Variants in GUCY2F observed in about 807,000 individuals in gnomAD.
The protein encoded by GUCY2F is guanylate cyclase 2F, retinal.
Under a neutral mutation model 73.1 loss-of-function variants are expected in GUCY2F, and 61 were observed. The observed-to-expected ratio is 0.83, with a 90% CI of 0.68 to 1.03. The LOEUF (loss-of-function observed/expected upper bound fraction) is 1.03. GUCY2F is among the 50% of genes least tolerant of loss of function. GUCY2F has a pLI of 0.00. For missense variants in GUCY2F, 912 were observed against 854.3 expected (o/e 1.07, Z -0.84); for synonymous variants, 331 against 307.8 (o/e 1.08, Z -0.79).
chrX:109,436,876 GTA>G (rs933986422), intron 7 of GUCY2F, among the ~76,000 whole-genome samples: 1 of 106,981 alleles, frequency 9.3e-6, no homozygotes, highest in Non-Finnish European at 1.9e-5. Flanking sequence ...CATGGCACAT[GTA>G]TACATATGTA....
chrX:109,475,320 G>T lies in GUCY2F; in HGVS notation c.617C>A (p.Ala206Glu). The T allele has an allele frequency of 8.3e-7, 1 of 1,211,264 alleles. No homozygotes were observed. Residue 206 changes from alanine (A) to glutamate (E), a missense_variant, in exon 2 of 20, where the codon GCA becomes GAA. Transcript: ENST00000218006. ...DIWVHTANRVASALRSHGLPV... is the reference protein window; with the variant it reads ...DIWVHTANRVESALRSHGLPV... ...TAAGCCGTGGCTCCGAAGAGCACTT[G>T]CGACTCGATTGGCTGTATGCACCCA...
chrX:109,471,376 C>T (rs1932570466), intron 2 of GUCY2F, among the ~76,000 whole-genome samples: 1 of 112,420 alleles, frequency 8.9e-6, no homozygotes, highest in Non-Finnish European at 1.9e-5. Context: ...GCAGGTAGGG[C>T]CTCCTGCTAA....
At chrX:109,400,497 G>GA (rs1255166648) in intron 10 of GUCY2F, among the ~76,000 whole-genome samples, 1 of 111,973 alleles carries the variant, frequency 8.9e-6, no homozygotes, top group Non-Finnish European at 1.9e-5. Context: ...GAAGAAGGGT[G>GA]AAAGGTGAGA....
intron 6 of GUCY2F, among the ~76,000 whole-genome samples, chrX:109,446,363 G>C (rs181347031): frequency 9.9e-4 from 111 of 111,780 alleles, no homozygotes; most frequent in African/African-American, 3.6e-3. Flanking sequence ...CACACTACCT[G>C]ATTTCAAACT....
intron 13 of GUCY2F, 73 bp from the exon 14 acceptor site, chrX:109,392,176 C>T (rs1026035079): frequency 1.4e-6 from 1 of 728,988 alleles, no homozygotes; most frequent in South Asian, 3.1e-5. Flanking sequence ...GCTAAAAATA[C>T]ACCAAATAAA....
intron 6 of GUCY2F, among the ~76,000 whole-genome samples, chrX:109,444,951 T>A (rs1408041420): frequency 9.0e-6 from 1 of 111,721 alleles, no homozygotes; most frequent in East Asian, 2.8e-4. Context: ...ATAAACCCTA[T>A]CATTCCTTCA....
intron 10 of GUCY2F, among the ~76,000 whole-genome samples, chrX:109,403,981 A>G (rs983084492): frequency 8.9e-6 from 1 of 112,258 alleles, no homozygotes; most frequent in Admixed American, 9.4e-5. Flanking sequence ...GTGGGGGTCC[A>G]GCTTCCAAAT....
chrX:109,432,484 T>C (rs1236142028), intron 7 of GUCY2F, among the ~76,000 whole-genome samples: 1 of 112,161 alleles, frequency 8.9e-6, no homozygotes, highest in African/African-American at 3.2e-5. Flanking sequence ...GAAAGACTGG[T>C]GAACAAAAAA....
intron 5 of GUCY2F, among the ~76,000 whole-genome samples, chrX:109,451,389 A>G (rs886860217): frequency 3.6e-4 from 40 of 111,872 alleles, no homozygotes; most frequent in Middle Eastern, 4.6e-3. Flanking sequence ...CTAGAATGTG[A>G]TACCCTGGAC....
At chrX:109,412,295 G>A (rs1011499672) in intron 8 of GUCY2F, among the ~76,000 whole-genome samples, 3 of 111,529 alleles carry the variant, frequency 2.7e-5, no homozygotes, top group Non-Finnish European at 3.8e-5. Flanking sequence ...TTTTGAACAC[G>A]GAACGGATGG....
chrX:109,389,228 G>A (rs1227110167), intron 14 of GUCY2F, among the ~76,000 whole-genome samples: 1 of 111,733 alleles, frequency 8.9e-6, no homozygotes, highest in Non-Finnish European at 1.9e-5. Context: ...CTACCTCCCT[G>A]AGGAGCAGCA....
chrX:109,458,889 G>T (rs1797986881), intron 3 of GUCY2F, among the ~76,000 whole-genome samples: 1 of 111,268 alleles, frequency 9.0e-6, no homozygotes, highest in African/African-American at 3.3e-5. Flanking sequence ...GACATGGAGA[G>T]CTTAAGTAAA....
Position 109,465,209 on chromosome X carries a change from G to A in GUCY2F, c.965C>T (p.Thr322Ile), listed in dbSNP as rs146591928. Residue 322 changes from threonine (T) to isoleucine (I), a missense_variant, in exon 3 of 20, where the codon ACC becomes ATC. Physicochemically the swap from Thr to Ile is moderately conservative, Grantham distance 89. Coordinates refer to ENST00000218006, the MANE Select transcript of GUCY2F (RefSeq NM_001522.3). ...TGCCTCTGTGAAGGCTTGATAGAAG[G>A]TCTTTTCTTGGGACTCCACTGTAAT... ...LTITVESQEK[T>I]FYQAFTEAAA... 3 of 1,207,565 alleles carry A rather than the reference G, an allele frequency of 2.5e-6. No homozygotes were observed. In the African/African-American group the frequency reaches 5.2e-5, roughly 21 times the overall value.
chrX:109,429,518 T>C (rs1931565795), intron 8 of GUCY2F, among the ~76,000 whole-genome samples: 1 of 112,320 alleles, frequency 8.9e-6, no homozygotes, highest in Admixed American at 9.4e-5. Context: ...ATGTCTTCCA[T>C]TTCCTTTGTT....
In GUCY2F at chrX:109,395,370, G is replaced by A. The variant is rs376993031; in HGVS notation, c.2395C>T (p.Arg799Ter). ...KQCWAEAAEQ[R>*]PTFDEIFNQF... Reference sequence around the variant, plus strand: ...TTAAATATTTCATCAAAAGTTGGTCGTTGTTCTGCAGCCTCAGCCCAGCAC... The same window carrying A: ...TTAAATATTTCATCAAAAGTTGGTCATTGTTCTGCAGCCTCAGCCCAGCAC... The change falls in exon 12 of 20, where the codon CGA becomes TGA. Residue 799 changes from arginine (R) to a stop codon, truncating the protein, a stop_gained. Coordinates refer to ENST00000218006, the MANE Select transcript of GUCY2F (RefSeq NM_001522.3). LOFTEE classifies it high-confidence loss of function. 14 of 1,206,486 alleles carry A rather than the reference G, an allele frequency of 1.2e-5. No individual in the cohort carries two copies. In the African/African-American group the frequency reaches 1.7e-4, roughly 15 times the overall value.
rs367902822 is a variant in GUCY2F, at chrX:109,448,096, C to A, written c.1542G>T (p.Thr514=). The change falls in exon 6 of 20, where the codon ACG becomes ACT. Residue 514 remains threonine (T), a synonymous_variant. Coordinates refer to ENST00000218006, the MANE Select transcript of GUCY2F (RefSeq NM_001522.3). ...TACTGCCAAAGTGGGGATTGATAAA[C>A]GTTACATCCTCCAAAGTCAGTAGAA... ...NRILLTLEDV[T]FINPHFGSKR... The A allele has an allele frequency of 1.8e-6, 2 of 1,102,079 alleles. No homozygotes were observed. Among genetic ancestry groups the A allele is most frequent in the African/African-American group, 3.6e-5 (2 of 54,834 alleles). The allele number at this position is 1,102,079 out of a possible 1,213,427, so 90.8% of individuals were successfully genotyped here. A position where few individuals can be genotyped will look rare whatever the true frequency, so the allele number is the denominator to read the frequency against.
At chrX:109,438,160 G>C (rs914824674) in intron 7 of GUCY2F, among the ~76,000 whole-genome samples, 1 of 112,255 alleles carries the variant, frequency 8.9e-6, no homozygotes, top group Non-Finnish European at 1.9e-5. Context: ...CTGGAGGCTG[G>C]GATGTCCAAG....
chrX:109,385,127 T>A lies in GUCY2F; in HGVS notation c.3055+57A>T. ...TCTCTTTCACCTCTCTGAAGAAGAA[T>A]CACCTTCTCAATAGCAGAGTGGTGC... On this transcript the variant is annotated intron_variant, in intron 16 of 19. Transcript: ENST00000218006. 3 of 549,184 alleles carry A rather than the reference T, an allele frequency of 5.5e-6. No individual in the cohort carries two copies. The Admixed American group carries it at 8.9e-5, about 16-fold the overall frequency. 45.3% of individuals were successfully genotyped at this position (549,184 alleles called of 1,213,427 possible).
Position 109,405,745 on chromosome X carries a change from A to G in GUCY2F, c.1969-1261T>C, listed in dbSNP as rs181232562. The stretch of plus-strand genomic sequence containing the variant: ...ATCATGGCCTTGAGGGGATTGTCAT[A>G]TAGAGGCTCCTCCCTTAACTCACTG... On this transcript the variant is annotated intron_variant, in intron 9 of 19. Coordinates refer to ENST00000218006, the MANE Select transcript of GUCY2F (RefSeq NM_001522.3). Among the ~76,000 whole-genome samples, 405 of 111,553 alleles carry G rather than the reference A, an allele frequency of 3.6e-3. 3 individuals carry two copies. Among genetic ancestry groups the G allele is most frequent in the Non-Finnish European group, 6.2e-3 (329 of 53,110 alleles).
Sources: gnomAD v4.1 joint callset for allele counts (sites outside exome capture counted in the v4.1 genomes callset) on GRCh38, gnomAD v4.1.1 for gene constraint, MANE v1.5 for transcripts, NCBI Gene and HGNC (gene_info 2026-07-23, HGNC 2026-07-21) for gene names.